Variants in SLC6A11 observed in about 807,000 individuals in gnomAD.
SLC6A11 encodes sodium- and chloride-dependent GABA transporter 3.
A neutral mutation model predicts 74.8 loss-of-function variants in SLC6A11; 25 were observed. That is an observed-to-expected ratio of 0.33 (90% CI 0.24 to 0.47). The LOEUF is 0.47. Among genes scored for constraint, SLC6A11 ranks in the 20% least tolerant of loss-of-function variants. SLC6A11 has a pLI of 1.00. For synonymous variants in SLC6A11, 330 were observed against 330.2 expected, an observed-to-expected ratio of 1.00 and a Z score of 0.01; for missense variants, 574 against 837.0, an observed-to-expected ratio of 0.69 and a Z score of 3.88.
chr3:10,825,718 A>G (rs1490260580), intron 4 of SLC6A11, among the ~76,000 whole-genome samples: 2 of 152,080 alleles, frequency 1.3e-5, no homozygotes, highest in South Asian at 2.1e-4. Context: ...TTATGTTTTT[A>G]ATGTTGTATT....
Position 10,938,880 on chromosome 3 carries a change from C to G in SLC6A11, c.*478C>G, listed in dbSNP as rs1156453454. 6.6e-6 allele frequency: 1 copy of G among 152,458 alleles called. No individual in the cohort carries two copies. Among genetic ancestry groups the G allele is most frequent in the Non-Finnish European group, 1.5e-5 (1 of 68,238 alleles). The allele number at this position is 152,458 out of a possible 1,614,324, so 9.4% of individuals were successfully genotyped here. Reference sequence around the variant, plus strand: ...TCAAACCTTCCCTTTCCAAGGGACACTGGGTTTGCAGACAGCAAGGCTATG... The same window carrying G: ...TCAAACCTTCCCTTTCCAAGGGACAGTGGGTTTGCAGACAGCAAGGCTATG... On this transcript the variant is annotated 3_prime_UTR_variant, in exon 14 of 14. Coordinates refer to ENST00000254488, the MANE Select transcript of SLC6A11 (RefSeq NM_014229.3).
At chr3:10,870,361 G>C (rs1254552211) in intron 5 of SLC6A11, among the ~76,000 whole-genome samples, 2 of 152,206 alleles carry the variant, frequency 1.3e-5, no homozygotes, top group African/African-American at 4.8e-5. Flanking sequence ...ACATGGACTA[G>C]ACCAAGGGTA....
At chr3:10,904,380 A>G (rs1331728354) in intron 6 of SLC6A11, among the ~76,000 whole-genome samples, 1 of 152,048 alleles carries the variant, frequency 6.6e-6, no homozygotes. Context: ...AGGTGGGACC[A>G]CCTCTCTTCT....
At chr3:10,851,651 A>C (rs547275657) in intron 5 of SLC6A11, among the ~76,000 whole-genome samples, 69 of 152,264 alleles carry the variant, frequency 4.5e-4, no homozygotes, top group African/African-American at 1.7e-3. Context: ...GCTCACAACA[A>C]CCCTATGCAG....
intron 6 of SLC6A11, among the ~76,000 whole-genome samples, chr3:10,879,551 A>G (rs1005308057): frequency 6.6e-6 from 1 of 152,126 alleles, no homozygotes; most frequent in African/African-American, 2.4e-5. Flanking sequence ...TCCCTCAATC[A>G]CAGGTTGCAC....
At chr3:10,933,766 C>T (rs1205951871) in intron 11 of SLC6A11, among the ~76,000 whole-genome samples, 2 of 152,204 alleles carry the variant, frequency 1.3e-5, no homozygotes, top group Non-Finnish European at 2.9e-5. Flanking sequence ...TCCTCATCCC[C>T]ACCCCTGATT....
chr3:10,831,082 AG>A (rs1694290015), intron 4 of SLC6A11, among the ~76,000 whole-genome samples: 1 of 152,224 alleles, frequency 6.6e-6, no homozygotes, highest in East Asian at 1.9e-4. Context: ...ATTCCTCCAC[AG>A]CCTCCCACTT....
chr3:10,916,520 A>G (rs1358010742), intron 7 of SLC6A11, among the ~76,000 whole-genome samples: 3 of 152,170 alleles, frequency 2.0e-5, no homozygotes, highest in Non-Finnish European at 2.9e-5. Flanking sequence ...ACGTGTGTAC[A>G]TTCTGGGGTC....
In SLC6A11 at chr3:10,929,342, G is replaced by A. The variant is rs755544607; in HGVS notation, c.1371+3G>A. The A allele has an allele frequency of 1.5e-5, 24 of 1,613,718 alleles. No homozygotes were observed. The East Asian group carries it at 4.0e-4, about 27-fold the overall frequency. Reference sequence around the variant, plus strand: ...TGGGCCTCGTGATGTTAACAGAGGTGAGTGGCATGGTTCGGGCCGCACGGG... The same window carrying A: ...TGGGCCTCGTGATGTTAACAGAGGTAAGTGGCATGGTTCGGGCCGCACGGG... On this transcript the variant is annotated splice_donor_region_variant and intron_variant, in intron 10 of 13. Coordinates refer to ENST00000254488, the MANE Select transcript of SLC6A11 (RefSeq NM_014229.3).
intron 3 of SLC6A11, among the ~76,000 whole-genome samples, chr3:10,823,019 G>GC (rs1694157504): frequency 6.6e-6 from 1 of 152,152 alleles, no homozygotes; most frequent in South Asian, 2.1e-4. Flanking sequence ...AAAAATAAAA[G>GC]AAGATTTGGG....
intron 7 of SLC6A11, among the ~76,000 whole-genome samples, chr3:10,916,874 A>T (rs2106628278): frequency 6.6e-6 from 1 of 152,362 alleles, no homozygotes; most frequent in South Asian, 2.1e-4. Flanking sequence ...AAGGCTCTCG[A>T]CCACCAGTTC....
intron 6 of SLC6A11, among the ~76,000 whole-genome samples, chr3:10,891,392 C>T (rs964104989): frequency 6.6e-6 from 1 of 152,064 alleles, no homozygotes; most frequent in African/African-American, 2.4e-5. Flanking sequence ...TTCAAGTAGC[C>T]AATTAATATT....
At chr3:10,824,356 C>T (rs1694177344) in intron 4 of SLC6A11, 1 of 152,154 alleles carries the variant, frequency 6.6e-6, no homozygotes. Flanking sequence ...CTCCCTTACT[C>T]TGATGGTGAT....
At chr3:10,911,341 C>G (rs1045894589) in intron 6 of SLC6A11, among the ~76,000 whole-genome samples, 5 of 152,154 alleles carry the variant, frequency 3.3e-5, no homozygotes, top group Non-Finnish European at 7.3e-5. Flanking sequence ...CAAAGGGAGC[C>G]CGGGGAAAGT....
At chr3:10,892,123 A>G (rs2106615717) in intron 6 of SLC6A11, among the ~76,000 whole-genome samples, 1 of 152,360 alleles carries the variant, frequency 6.6e-6, no homozygotes, top group African/African-American at 2.4e-5. Flanking sequence ...GAGCAGCAAG[A>G]TGACGGGTCT....
chr3:10,879,672 C>G (rs1465685385), intron 6 of SLC6A11, among the ~76,000 whole-genome samples: 1 of 152,006 alleles, frequency 6.6e-6, no homozygotes, highest in Non-Finnish European at 1.5e-5. Context: ...GGAATAAAAC[C>G]GGGACATAAA....
chr3:10,854,841 A>T (rs554515221), intron 5 of SLC6A11, among the ~76,000 whole-genome samples: 1 of 152,170 alleles, frequency 6.6e-6, no homozygotes, highest in East Asian at 1.9e-4. Context: ...GTTTATACAC[A>T]TGTTTGTCCC....
At chr3:10,858,089 G>T (rs1025335406) in intron 5 of SLC6A11, among the ~76,000 whole-genome samples, 14 of 152,068 alleles carry the variant, frequency 9.2e-5, no homozygotes, top group African/African-American at 3.4e-4. Context: ...GAATCACCAC[G>T]AATGCAATAG....
In SLC6A11 at chr3:10,816,740, G is replaced by T. The variant is rs1694067076; in HGVS notation, c.256+219G>T. The stretch of plus-strand genomic sequence containing the variant: ...CAATTCGCACCTGAGGGTTCCACCT[G>T]CCAGCGCGGGGACTTGCCCGCGTTC... On this transcript the variant is annotated intron_variant, in intron 1 of 13. Coordinates refer to ENST00000254488, the MANE Select transcript of SLC6A11 (RefSeq NM_014229.3). The surrounding 1 kb of genome is among the most constrained non-coding windows in gnomAD (Gnocchi z 4.2). Among the ~76,000 whole-genome samples the T allele has an allele frequency of 6.6e-6, 1 of 152,220 alleles. No individual in the cohort carries two copies.
Sources: gnomAD v4.1 joint callset for allele counts (sites outside exome capture counted in the v4.1 genomes callset) on GRCh38, gnomAD v4.1.1 for gene constraint, Gnocchi (gnomAD v3.1) non-coding constraint, MANE v1.5 for transcripts, NCBI Gene and HGNC (gene_info 2026-07-23, HGNC 2026-07-21) for gene names.